CDH23: variants seen among roughly 807,000 people sequenced by gnomAD.
CDH23 encodes the protein cadherin related 23.
A neutral mutation model predicts 317.1 loss-of-function variants in CDH23; 189 were observed. The observed-to-expected ratio is 0.60, with a 90% confidence interval of 0.53 to 0.67. CDH23 has a LOEUF of 0.67. CDH23 is among the 30% of genes least tolerant of loss of function. The probability of loss-of-function intolerance (pLI) is 0.00; values close to 1 mark genes in which losing one functional copy is unlikely to be tolerated. For missense variants in CDH23, 4,401 were observed against 4,592.4 expected (o/e 0.96, Z 1.20); for synonymous variants, 1,839 against 1,876.8 (o/e 0.98, Z 0.52).
intron 66 of CDH23, 29 bp from the exon 67 acceptor site, chr10:71,812,448 CCCT>C: frequency 8.2e-7 from 1 of 1,222,922 alleles, no homozygotes; most frequent in Non-Finnish European, 1.1e-6. Flanking sequence ...AGCCTTCCCT[CCCT>C]CCCCACCCTT....
intron 14 of CDH23, among the ~76,000 whole-genome samples, chr10:71,658,773 G>A (rs546280593): frequency 4.6e-5 from 7 of 152,214 alleles, no homozygotes; most frequent in African/African-American, 1.7e-4. Context: ...GACCCCAGAC[G>A]GTCTGACCCC....
chr10:71,574,006 A>G (rs1349727458), intron 8 of CDH23, among the ~76,000 whole-genome samples: 1 of 151,948 alleles, frequency 6.6e-6, no homozygotes, highest in South Asian at 2.1e-4. Flanking sequence ...TGGGCCCTCC[A>G]TGTCCCTTTA....
intron 18 of CDH23, among the ~76,000 whole-genome samples, chr10:71,684,336 C>T (rs1270035321): frequency 6.6e-6 from 1 of 152,160 alleles, no homozygotes; most frequent in African/African-American, 2.4e-5. Context: ...ACCCACCCAT[C>T]GCTTTCAACC....
At position 71,740,890 on chromosome 10, in the gene CDH23, C is replaced by T. The variant is rs368781664; in HGVS notation, c.4557C>T (p.Asp1519=). The T allele has an allele frequency of 1.9e-6, 3 of 1,613,994 alleles. No individual in the cohort carries two copies. The highest frequency in any genetic ancestry group is 1.3e-5 in the African/African-American group (1 of 75,072). The part of the protein sequence containing the change: ...KDHILQVTIL[D]INDNPPVIES... ...ACATCCTGCAGGTGACCATCCTGGA[C>T]ATCAATGACAACCCTCCAGTCATCG... The change falls in exon 37 of 70, where the codon GAC becomes GAT. Residue 1519 remains aspartate (D), a synonymous_variant. Transcript: ENST00000224721.
intron 12 of CDH23, among the ~76,000 whole-genome samples, chr10:71,644,364 A>G (rs1862727337): frequency 6.6e-6 from 1 of 152,258 alleles, no homozygotes; most frequent in Non-Finnish European, 1.5e-5. Flanking sequence ...CAGCAAGTGT[A>G]TTTGCCAGTT....
intron 2 of CDH23, among the ~76,000 whole-genome samples, chr10:71,444,152 G>T (rs1406631405): frequency 6.6e-6 from 1 of 152,230 alleles, no homozygotes; most frequent in Admixed American, 6.5e-5. Flanking sequence ...AAGCCTTCCC[G>T]TCGGCTGCAA....
rs1264381540 is a variant in CDH23, at chr10:71,803,257, C to T, written c.7709C>T (p.Pro2570Leu). 18 of 1,596,794 alleles carry T rather than the reference C, an allele frequency of 1.1e-5. No homozygotes were observed. The highest frequency in any genetic ancestry group is 3.5e-5 in the Admixed American group (2 of 57,774). Residue 2570 changes from proline to leucine, a missense_variant, in exon 55 of 70, where the codon CCA (proline) becomes CTA (leucine). Around this residue, in one of 3 missense-constraint regions of CDH23, gnomAD observed 1,144 missense variants for 1,138.2 expected, o/e 1.01. Transcript: ENST00000224721. The part of the protein sequence containing the change: ...MDSGLVTTQR[P>L]LQSYEKFSLT... ...TCGGGCTTGGTGACCACACAGCGGC[C>T]ACTGCAGTCCTACGAGAAGTTCAGT... is the stretch of plus-strand genomic sequence containing the variant.
intron 9 of CDH23, among the ~76,000 whole-genome samples, chr10:71,586,125 T>C (rs79796201): frequency 0.019 from 2,921 of 152,232 alleles, 211 homozygotes; most frequent in East Asian, 0.18. Flanking sequence ...TTTTTATTGG[T>C]CCACTCAGCT....
At chr10:71,764,922 C>G (rs1463916433) in intron 38 of CDH23, among the ~76,000 whole-genome samples, 1 of 152,242 alleles carries the variant, frequency 6.6e-6, no homozygotes, top group African/African-American at 2.4e-5. Flanking sequence ...TGCCCTTACC[C>G]CTGCAGCAGG....
At chr10:71,465,730 A>T (rs1180549950) in intron 3 of CDH23, among the ~76,000 whole-genome samples, 1 of 152,246 alleles carries the variant, frequency 6.6e-6, no homozygotes, top group Non-Finnish European at 1.5e-5. Context: ...CAACCCTGTG[A>T]TTGGAACATT....
At chr10:71,475,047 C>T (rs563599906) in intron 3 of CDH23, among the ~76,000 whole-genome samples, 27 of 152,288 alleles carry the variant, frequency 1.8e-4, no homozygotes, top group Admixed American at 1.4e-3. Flanking sequence ...ACTAGGAAGA[C>T]GGGAATGGTG....
chr10:71,739,039 A>G (rs954523881), intron 35 of CDH23, among the ~76,000 whole-genome samples: 1 of 152,178 alleles, frequency 6.6e-6, no homozygotes, highest in Non-Finnish European at 1.5e-5. Flanking sequence ...CAGAGTGCAG[A>G]GGGAGAAGTG....
At chr10:71,713,022 G>A (rs1209573066) in intron 28 of CDH23, 4 of 740,000 alleles carry the variant, frequency 5.4e-6, no homozygotes, top group Non-Finnish European at 9.9e-6. Flanking sequence ...CAGAGCTGAG[G>A]ATAGGGCTCT....
intron 9 of CDH23, among the ~76,000 whole-genome samples, chr10:71,584,754 G>A (rs1858927479): frequency 6.6e-6 from 1 of 152,190 alleles, no homozygotes; most frequent in Non-Finnish European, 1.5e-5. Flanking sequence ...CTTCCCCTGA[G>A]AAGTAAAAAC....
chr10:71,413,766 C>T lies in CDH23; in HGVS notation c.-6+16448C>T, dbSNP rs140448993. On this transcript the variant is annotated intron_variant, in intron 1 of 69. Transcript: ENST00000224721. ...CAAGCTAGAGGCAAACTCCTGGGCT[C>T]AAGTTGATCCTCTTGCTTCAGCTTC... Among the ~76,000 whole-genome samples the T allele has an allele frequency of 4.0e-3, 613 of 152,156 alleles. 3 individuals are homozygous for T. Among genetic ancestry groups the T allele is most frequent in the African/African-American group, 0.013 (532 of 41,508 alleles).
chr10:71,719,503 C>G (rs892142786), intron 28 of CDH23: 4 of 152,512 alleles, frequency 2.6e-5, no homozygotes, highest in Admixed American at 2.0e-4. Flanking sequence ...TGTTTCCCCT[C>G]TCTACAGAAC....
chr10:71,443,171 G>C (rs1392530242), intron 2 of CDH23, among the ~76,000 whole-genome samples: 1 of 152,238 alleles, frequency 6.6e-6, no homozygotes, highest in Non-Finnish European at 1.5e-5. Context: ...CTGAGGCCTG[G>C]GGAGGCGACC....
At chr10:71,740,233 G>T (rs1326275353) in intron 36 of CDH23, among the ~76,000 whole-genome samples, 5 of 152,242 alleles carry the variant, frequency 3.3e-5, no homozygotes, top group African/African-American at 7.2e-5. Context: ...TTGCAGAATG[G>T]CCATGGCTGG....
intron 1 of CDH23, among the ~76,000 whole-genome samples, chr10:71,402,930 C>T (rs1847851988): frequency 6.6e-6 from 1 of 152,036 alleles, no homozygotes; most frequent in African/African-American, 2.4e-5. Flanking sequence ...TCCTGGCTAA[C>T]ACGGTGAAAC....
Sources: gnomAD v4.1 joint callset for allele counts (sites outside exome capture counted in the v4.1 genomes callset) on GRCh38, gnomAD v4.1.1 for gene constraint, gnomAD v4.1.1 regional missense constraint, MANE v1.5 for transcripts, NCBI Gene and HGNC (gene_info 2026-07-23, HGNC 2026-07-21) for gene names.